The following ALPK3 variants were observed in gnomAD, a reference collection of about 807,000 sequenced individuals.
ALPK3 encodes alpha kinase 3, also known as alpha-protein kinase 3.
ALPK3 carries 102 observed loss-of-function variants against 140.0 expected under a neutral mutation model. The observed-to-expected ratio is 0.73, with a 90% confidence interval of 0.62 to 0.86. ALPK3 has a LOEUF of 0.86. ALPK3 is among the 40% of genes least tolerant of loss of function. The pLI is 0.00. For synonymous variants in ALPK3, 938 were observed against 898.5 expected, an observed-to-expected ratio of 1.04 and a Z score of -0.79; for missense variants, 2,254 against 2,208.2, an observed-to-expected ratio of 1.02 and a Z score of -0.42.
At chr15:84,847,747 G>T (rs1963748549) in intron 5 of ALPK3, among the ~76,000 whole-genome samples, 1 of 152,150 alleles carries the variant, frequency 6.6e-6, no homozygotes. Flanking sequence ...ACACTACATT[G>T]TCAGCAGACC....
chr15:84,839,627 C>T, intron 4 of ALPK3, 75 bp from the exon 5 acceptor site: 2 of 1,495,332 alleles, frequency 1.3e-6, no homozygotes, highest in Non-Finnish European at 8.9e-7. Flanking sequence ...CGGCTCTGAA[C>T]GGCTCTGGCT....
In ALPK3 at chr15:84,857,272, G is replaced by A. The variant is rs948234674; in HGVS notation, c.2534G>A (p.Gly845Glu). 2 of 1,614,106 alleles carry A rather than the reference G, an allele frequency of 1.2e-6. No individual in the cohort carries two copies. The highest frequency in any genetic ancestry group is 1.7e-5 in the Admixed American group (1 of 60,012). ...PFQCPKEERPGGVPCMDQGGC... is the reference protein window; with the variant it reads ...PFQCPKEERPEGVPCMDQGGC... ...CAGTGCCCCAAGGAGGAGCGGCCAG[G>A]GGGAGTGCCGTGTATGGATCAGGGT... Residue 845 changes from glycine (G) to glutamate (E), a missense_variant, in exon 6 of 14, where the codon GGG becomes GAG. By Grantham distance (98) the Gly-to-Glu change is moderately conservative. Coordinates refer to ENST00000258888, the MANE Select transcript of ALPK3 (RefSeq NM_020778.5).
chr15:84,854,865 T>C (rs1256650748), intron 5 of ALPK3, among the ~76,000 whole-genome samples: 1 of 152,230 alleles, frequency 6.6e-6, no homozygotes, highest in East Asian at 1.9e-4. Context: ...AGTTATATGT[T>C]AATATGCATT....
chr15:84,853,690 G>A (rs1278923045), intron 5 of ALPK3, among the ~76,000 whole-genome samples: 2 of 152,032 alleles, frequency 1.3e-5, no homozygotes, highest in Non-Finnish European at 1.5e-5. Context: ...GATCACTTGA[G>A]CCCAATAGGT....
chr15:84,839,195 C>T (rs1229930386), intron 4 of ALPK3, 98 bp downstream of exon 4: 3 of 1,010,214 alleles, frequency 3.0e-6, no homozygotes, highest in Admixed American at 4.3e-5. Flanking sequence ...TGGAGATGCC[C>T]AGGCACTCTC....
intron 5 of ALPK3, among the ~76,000 whole-genome samples, chr15:84,853,261 G>A (rs1963826219): frequency 6.6e-6 from 1 of 152,174 alleles, no homozygotes; most frequent in Non-Finnish European, 1.5e-5. Context: ...TGGCACCAAG[G>A]CAGTTTTGTC....
intron 3 of ALPK3, among the ~76,000 whole-genome samples, chr15:84,837,286 GA>G (rs1235674037): frequency 1.3e-5 from 2 of 152,210 alleles, no homozygotes; most frequent in Non-Finnish European, 2.9e-5. Context: ...ATGTAACAGA[GA>G]GGAAAAGTCT....
At chr15:84,829,843 TA>T (rs1291538320) in intron 3 of ALPK3, among the ~76,000 whole-genome samples, 1 of 152,218 alleles carries the variant, frequency 6.6e-6, no homozygotes, top group Non-Finnish European at 1.5e-5. Context: ...GAAAGAACTT[TA>T]GAATGCTCAT....
chr15:84,851,163 A>G (rs1002740668), intron 5 of ALPK3, among the ~76,000 whole-genome samples: 6 of 152,280 alleles, frequency 3.9e-5, no homozygotes, highest in Middle Eastern at 3.4e-3. Context: ...AGAGGAGGGA[A>G]CTCAGGAAGT....
chr15:84,872,682 T>C lies in ALPK3; in HGVS notation c.*4226T>C, dbSNP rs372113296. On this transcript the variant is annotated 3_prime_UTR_variant, in exon 14 of 14. Coordinates refer to ENST00000258888, the MANE Select transcript of ALPK3 (RefSeq NM_020778.5). ...AGGGGCAGACCTTGGCATTTTCACA[T>C]GATTTATCTCCCACTCTGATTCACA... The C allele has an allele frequency of 5.3e-4, 80 of 152,360 alleles. No individual in the cohort carries two copies. The highest frequency in any genetic ancestry group is 1.8e-3 in the African/African-American group (75 of 41,598). The allele number at this position is 152,360 out of a possible 1,614,324, so 9.4% of individuals were successfully genotyped here.
chr15:84,858,019 A>G lies in ALPK3; in HGVS notation c.3281A>G (p.Glu1094Gly), dbSNP rs1391823226. Reference sequence around the variant, plus strand: ...GAAGGAGCCAGTGAGGGTGAAGGAGAGGTTTCCCCTGAGGGGCCTGGCCTC... The same window carrying G: ...GAAGGAGCCAGTGAGGGTGAAGGAGGGGTTTCCCCTGAGGGGCCTGGCCTC... The part of the protein sequence containing the change: ...ASEGASEGEG[E>G]VSPEGPGLLG... Residue 1094 changes from glutamate (E) to glycine (G), a missense_variant, in exon 6 of 14, where the codon GAG becomes GGG. Transcript: ENST00000258888. 5 of 1,585,308 alleles carry G rather than the reference A, an allele frequency of 3.2e-6. No individual in the cohort carries two copies. Among genetic ancestry groups the G allele is most frequent in the Non-Finnish European group, 4.3e-6 (5 of 1,166,816 alleles).
rs772033011 is a variant in ALPK3 at position 84,864,689 on chromosome 15, G to A, written c.4723+24G>A. 5 of 1,605,184 alleles carry A rather than the reference G, an allele frequency of 3.1e-6. No individual in the cohort carries two copies. In the East Asian group the frequency reaches 1.1e-4, roughly 36 times the overall value. On this transcript the variant is annotated intron_variant, in intron 12 of 13. Transcript: ENST00000258888. ...AGGTACGAGGGTGTGAGGGTGCACG[G>A]GTACGCATGTGCATGGATGTGAAAG...
chr15:84,845,034 A>G lies in ALPK3; in HGVS notation c.1653+4102A>G, dbSNP rs1451701177. Among the ~76,000 whole-genome samples the G allele has an allele frequency of 4.6e-5, 7 of 152,346 alleles. No individual in the cohort carries two copies. In the East Asian group the frequency reaches 1.3e-3, roughly 29 times the overall value. On this transcript the variant is annotated intron_variant, in intron 5 of 13. Transcript: ENST00000258888. The stretch of plus-strand genomic sequence containing the variant: ...GCAGCCTAAAATTTAGGCAAAATGT[A>G]TAATACACCTACTTGACAACTTTGA...
Position 84,869,101 on chromosome 15 carries a change from T to G in ALPK3, c.*645T>G, listed in dbSNP as rs1056786211. The G allele has an allele frequency of 5.9e-5, 9 of 153,674 alleles. No homozygotes were observed. Among genetic ancestry groups the G allele is most frequent in the Admixed American group, 5.2e-4 (8 of 15,404 alleles). The allele number at this position is 153,674 out of a possible 1,614,324, so 9.5% of individuals were successfully genotyped here. A position where few individuals can be genotyped will look rare whatever the true frequency, so the allele number is the denominator to read the frequency against. On this transcript the variant is annotated 3_prime_UTR_variant, in exon 14 of 14. Transcript: ENST00000258888. ...TGATGTGTGTTCACGCTCTTCCCCC[T>G]TCACTCACTCGCCTGCTTCCCATGC...
chr15:84,833,378 CA>C (rs755846942), intron 3 of ALPK3, among the ~76,000 whole-genome samples: 26 of 152,078 alleles, frequency 1.7e-4, no homozygotes, highest in Non-Finnish European at 3.5e-4. Flanking sequence ...TTCTAATTAG[CA>C]AGGAGAAAAT....
rs1187290026 is a variant in ALPK3, at chr15:84,856,815, C to A, written c.2077C>A (p.Gln693Lys). 6.2e-7 allele frequency: 1 copy of A among 1,613,990 alleles called. No individual in the cohort carries two copies. Among genetic ancestry groups the A allele is most frequent in the Non-Finnish European group, 8.5e-7 (1 of 1,180,012 alleles). Residue 693 changes from glutamine to lysine, a missense_variant, in exon 6 of 14, where the codon CAG becomes AAG. Coordinates refer to ENST00000258888, the MANE Select transcript of ALPK3 (RefSeq NM_020778.5). Reference sequence around the variant, plus strand: ...GAAGGCCCAGGCAGATAAGGGCACACAGGAAGACAGAAGGATGCAGGGAGA... The same window carrying A: ...GAAGGCCCAGGCAGATAAGGGCACAAAGGAAGACAGAAGGATGCAGGGAGA... ...DRKAQADKGT[Q>K]EDRRMQGEKG...
chr15:84,859,367 C>G lies in ALPK3; in HGVS notation c.3942C>G (p.Arg1314=), dbSNP rs1178662713. 3 of 1,614,036 alleles carry G rather than the reference C, an allele frequency of 1.9e-6. No individual in the cohort carries two copies. Among genetic ancestry groups the G allele is most frequent in the Non-Finnish European group, 2.5e-6 (3 of 1,180,014 alleles). Residue 1314 remains arginine, a synonymous_variant, in exon 7 of 14, where the codon CGC becomes CGG. Transcript: ENST00000258888. ...TCTTGACATGGGCCAAGGATCAGCG[C>G]CCAGTGGGCGAGGTGGGCAGGAGGT... The part of the protein sequence containing the change: ...DSVLTWAKDQ[R]PVGEVGRSAG...
intron 5 of ALPK3, among the ~76,000 whole-genome samples, chr15:84,844,049 T>G (rs1036891080): frequency 6.6e-6 from 1 of 152,148 alleles, no homozygotes; most frequent in Non-Finnish European, 1.5e-5. Flanking sequence ...GCCAAGATGG[T>G]GAAACCCTGT....
chr15:84,833,686 C>G (rs1017302980), intron 3 of ALPK3, among the ~76,000 whole-genome samples: 2 of 152,226 alleles, frequency 1.3e-5, no homozygotes, highest in African/African-American at 4.8e-5. Context: ...GTGGTCAGAA[C>G]TTAGTCCAGG....
Sources: allele counts gnomAD v4.1 joint callset (sites outside exome capture counted in the v4.1 genomes callset), GRCh38; gene constraint gnomAD v4.1.1; transcripts MANE v1.5; gene names NCBI Gene and HGNC (gene_info 2026-07-23, HGNC 2026-07-21).